Variants in MAD1L1 observed in about 807,000 individuals in gnomAD.
MAD1L1 encodes the protein mitotic spindle assembly checkpoint protein MAD1.
A neutral mutation model predicts 96.9 loss-of-function variants in MAD1L1; 95 were observed. The ratio of observed to expected loss-of-function variants is 0.98; its 90% confidence interval spans 0.83 to 1.16. The LOEUF (loss-of-function observed/expected upper bound fraction) is 1.16. Ranked by LOEUF, MAD1L1 falls within the 50% of genes most tolerant of loss-of-function variation. The pLI is 0.00. For synonymous variants in MAD1L1, 473 were observed against 396.6 expected, an observed-to-expected ratio of 1.19 and a Z score of -2.29; for missense variants, 1,007 against 954.4, an observed-to-expected ratio of 1.06 and a Z score of -0.73.
intron 18 of MAD1L1, among the ~76,000 whole-genome samples, chr7:1,833,964 T>C (rs1782826170): frequency 1.3e-5 from 2 of 152,088 alleles, no homozygotes; most frequent in Admixed American, 1.3e-4. Flanking sequence ...AGTAGAAGGA[T>C]TTAGACCGTT....
At chr7:1,947,188 G>A (rs1779268442) in intron 16 of MAD1L1, among the ~76,000 whole-genome samples, 1 of 152,188 alleles carries the variant, frequency 6.6e-6, no homozygotes, top group Admixed American at 6.5e-5. Flanking sequence ...GGTGCCATGG[G>A]CCCTTGGCTG....
intron 10 of MAD1L1, among the ~76,000 whole-genome samples, chr7:2,153,897 C>T (rs1392807654): frequency 6.6e-6 from 1 of 152,254 alleles, no homozygotes; most frequent in African/African-American, 2.4e-5. Flanking sequence ...GTGGCTCACG[C>T]CTGTAATCCC....
At chr7:1,941,608 T>C (rs964918437) in intron 16 of MAD1L1, among the ~76,000 whole-genome samples, 1 of 152,168 alleles carries the variant, frequency 6.6e-6, no homozygotes, top group Non-Finnish European at 1.5e-5. Context: ...CCCAGGCTTG[T>C]CCTCCTCAGC....
intron 12 of MAD1L1, among the ~76,000 whole-genome samples, chr7:2,047,770 G>T (rs575752353): frequency 6.6e-6 from 1 of 151,424 alleles, no homozygotes; most frequent in African/African-American, 2.4e-5. Context: ...CATACAGAGA[G>T]CTGCCTCTGC....
chr7:2,036,839 G>C (rs1783457542), intron 12 of MAD1L1, among the ~76,000 whole-genome samples: 1 of 152,130 alleles, frequency 6.6e-6, no homozygotes, highest in South Asian at 2.1e-4. Flanking sequence ...GAACTAAGCT[G>C]TCTACAGATG....
intron 18 of MAD1L1, among the ~76,000 whole-genome samples, chr7:1,867,189 G>A (rs756089269): frequency 3.1e-4 from 47 of 152,206 alleles, no homozygotes; most frequent in Non-Finnish European, 3.5e-4. Flanking sequence ...CATGGGCACC[G>A]TAGGCCTCCC....
chr7:1,958,930 G>C (rs1195568985), intron 15 of MAD1L1, among the ~76,000 whole-genome samples: 2 of 152,118 alleles, frequency 1.3e-5, no homozygotes, highest in Non-Finnish European at 2.9e-5. Flanking sequence ...TAATGTCCTC[G>C]AGGGCACAGC....
In MAD1L1 at chr7:2,048,763, CT is replaced by C. The variant is rs776468300; in HGVS notation, c.1218+20430del. 5.3e-5 allele frequency among the ~76,000 whole-genome samples: 8 copies of C among 152,358 alleles called. No individual in the cohort carries two copies. In the East Asian group the frequency reaches 1.3e-3, roughly 26 times the overall value. On this transcript the variant is annotated intron_variant, in intron 12 of 18. Coordinates refer to ENST00000265854, the MANE Select transcript of MAD1L1 (RefSeq NM_001013836.2). The stretch of plus-strand genomic sequence containing the variant: ...AGCCTCCCGAGCCTGGCTGAGCCCC[CT>C]GTGCCACACCCCTCCAGCTTCAGGT...
intron 12 of MAD1L1, among the ~76,000 whole-genome samples, chr7:2,030,645 C>A (rs1465097794): frequency 6.6e-6 from 1 of 152,204 alleles, no homozygotes; most frequent in Admixed American, 6.5e-5. Context: ...CAAAACAAAC[C>A]AGACGCCGCC....
chr7:1,836,060 C>T (rs1484467770), intron 18 of MAD1L1, among the ~76,000 whole-genome samples: 1 of 152,118 alleles, frequency 6.6e-6, no homozygotes, highest in Admixed American at 6.6e-5. Flanking sequence ...CTCACTCTGC[C>T]GCCCAGGCTG....
At chr7:1,874,185 T>G (rs1785254603) in intron 18 of MAD1L1, among the ~76,000 whole-genome samples, 1 of 151,794 alleles carries the variant, frequency 6.6e-6, no homozygotes, top group Non-Finnish European at 1.5e-5. Context: ...GCGCCAGAGG[T>G]CAGTGCAGCG....
chr7:2,036,414 C>T (rs146608905), intron 12 of MAD1L1, among the ~76,000 whole-genome samples: 138 of 152,318 alleles, frequency 9.1e-4, no homozygotes, highest in African/African-American at 2.1e-3. Flanking sequence ...CACCTCCGTG[C>T]GGGGAACCAG....
chr7:1,945,770 G>T (rs1779203312), intron 16 of MAD1L1, among the ~76,000 whole-genome samples: 1 of 152,244 alleles, frequency 6.6e-6, no homozygotes, highest in South Asian at 2.1e-4. Flanking sequence ...GCAGACCGGG[G>T]TTAGGGCTCT....
chr7:1,956,733 C>A (rs149493183), intron 16 of MAD1L1, among the ~76,000 whole-genome samples: 8 of 152,366 alleles, frequency 5.3e-5, no homozygotes, highest in Admixed American at 1.3e-4. Context: ...GAGCACACGC[C>A]GTCTGCGCAG....
intron 16 of MAD1L1, among the ~76,000 whole-genome samples, chr7:1,952,702 G>C (rs1779555197): frequency 6.6e-6 from 1 of 152,206 alleles, no homozygotes; most frequent in African/African-American, 2.4e-5. Context: ...CAACCCCCTT[G>C]CCTCACAAAG....
intron 18 of MAD1L1, among the ~76,000 whole-genome samples, chr7:1,888,314 A>G (rs1311178743): frequency 1.5e-4 from 12 of 82,610 alleles, no homozygotes; most frequent in African/African-American, 4.5e-4. Flanking sequence ...GTGACTGCCT[A>G]TGTGTGTGTG....
intron 12 of MAD1L1, among the ~76,000 whole-genome samples, chr7:2,037,038 T>C (rs6948902): frequency 0.19 from 28,442 of 150,796 alleles, 5,227 homozygotes; most frequent in African/African-American, 0.48. Flanking sequence ...ACCTGCCGCA[T>C]GCTCCTCCCA....
chr7:1,945,189 T>G (rs1015937066), intron 16 of MAD1L1, among the ~76,000 whole-genome samples: 4 of 152,216 alleles, frequency 2.6e-5, no homozygotes, highest in Non-Finnish European at 5.9e-5. Flanking sequence ...GTGACTGCTG[T>G]TGCCAGCGGG....
chr7:2,009,094 C>T (rs1056853347), intron 13 of MAD1L1, among the ~76,000 whole-genome samples: 7 of 152,234 alleles, frequency 4.6e-5, no homozygotes, highest in African/African-American at 1.7e-4. Flanking sequence ...AAGGGTCACA[C>T]ACAGCTCTTT....
Sources: allele counts gnomAD v4.1 joint callset (sites outside exome capture counted in the v4.1 genomes callset), GRCh38; gene constraint gnomAD v4.1.1; transcripts MANE v1.5; gene names NCBI Gene and HGNC (gene_info 2026-07-23, HGNC 2026-07-21).